TNRC6B: variants seen among roughly 807,000 people sequenced by gnomAD.
The protein encoded by TNRC6B is trinucleotide repeat containing adaptor 6B.
A neutral mutation model predicts 203.6 loss-of-function variants in TNRC6B; 52 were observed. That is an observed-to-expected ratio of 0.26 (90% confidence interval 0.20 to 0.32). The LOEUF (loss-of-function observed/expected upper bound fraction) is 0.32. TNRC6B is among the 10% of genes least tolerant of loss of function. TNRC6B has a pLI of 1.00. For missense variants in TNRC6B, 1,923 were observed against 2,286.2 expected, an observed-to-expected ratio of 0.84 and a Z score of 3.24; for synonymous variants, 838 against 845.7, an observed-to-expected ratio of 0.99 and a Z score of 0.16.
chr22:40,246,436 C>G (rs2070108418), intron 2 of TNRC6B: 1 of 170,954 alleles, frequency 5.8e-6, no homozygotes, highest in Non-Finnish European at 1.3e-5. Context: ...GATCCCCCAC[C>G]TTGGCCCCCC....
rs1310966883 is a variant in TNRC6B, at chr22:40,052,463, TTTTTTTTTG to T, written c.-121+7468_-121+7476del. Among the ~76,000 whole-genome samples, 18 of 140,230 alleles carry T rather than the reference TTTTTTTTTG, an allele frequency of 1.3e-4. 1 individual carries two copies. Among genetic ancestry groups the T allele is most frequent in the Admixed American group, 9.2e-4 (13 of 14,090 alleles). The allele number at this position is 140,230 out of a possible 152,430, so 92.0% of individuals were successfully genotyped here. A position where few individuals can be genotyped will look rare whatever the true frequency, so the allele number is the denominator to read the frequency against. ...TATTGTATTTTTTTTTTTTTTTTTT[TTTTTTTTTG>T]TTGAGGCAGGGTCTTACTCTGTCAC... is the stretch of plus-strand genomic sequence containing the variant. On this transcript the variant is annotated intron_variant, in intron 1 of 23. Transcript: ENST00000301923.
At chr22:40,108,828 C>T (rs1442546516) in intron 1 of TNRC6B, among the ~76,000 whole-genome samples, 2 of 152,176 alleles carry the variant, frequency 1.3e-5, no homozygotes, top group African/African-American at 4.8e-5. Flanking sequence ...AGGTTTGTTA[C>T]ATAGGTAAAC....
At chr22:40,144,404 A>G (rs1489248060) in intron 3 of TNRC6B, among the ~76,000 whole-genome samples, 1 of 152,188 alleles carries the variant, frequency 6.6e-6, no homozygotes, top group African/African-American at 2.4e-5. Context: ...GGCTGGGCGC[A>G]GTGGCTCCCG....
chr22:40,277,120 T>C lies in TNRC6B; in HGVS notation c.3185T>C (p.Leu1062Pro). The change falls in exon 8 of 23, where the codon CTT becomes CCT. Residue 1062 changes from leucine to proline, a missense_variant. By Grantham distance (98) the Leu-to-Pro change is moderately conservative. Coordinates refer to ENST00000454349, the MANE Select transcript of TNRC6B (RefSeq NM_001162501.2). Reference sequence around the variant, plus strand: ...AACAATGATTCATGGATGAATCCTCTTGCCAAACAGTTTTCAAATATGGGA... The same window carrying C: ...AACAATGATTCATGGATGAATCCTCCTGCCAAACAGTTTTCAAATATGGGA... ...GGNNDSWMNPLAKQFSNMGLL... is the reference protein window; with the variant it reads ...GGNNDSWMNPPAKQFSNMGLL... 6.2e-7 allele frequency: 1 copy of C among 1,608,694 alleles called. No homozygotes were observed.
intron 1 of TNRC6B, among the ~76,000 whole-genome samples, chr22:40,229,326 G>A (rs539819655): frequency 6.6e-6 from 1 of 152,264 alleles, no homozygotes; most frequent in Non-Finnish European, 1.5e-5. Flanking sequence ...GTGATCTTAG[G>A]GAACAGTGTG....
chr22:40,320,920 C>A (rs140955622), intron 21 of TNRC6B, among the ~76,000 whole-genome samples, 170 bp from the exon 22 acceptor site: 1 of 152,316 alleles, frequency 6.6e-6, no homozygotes, highest in East Asian at 1.9e-4. Flanking sequence ...ACCTGTTTAT[C>A]TCTTAAAACA....
chr22:40,117,443 T>C (rs529145145), intron 2 of TNRC6B, among the ~76,000 whole-genome samples: 10 of 152,194 alleles, frequency 6.6e-5, no homozygotes, highest in Non-Finnish European at 1.3e-4. Flanking sequence ...CGGTCTGTAG[T>C]CCACATTACT....
chr22:40,264,991 G>A lies in TNRC6B; in HGVS notation c.761G>A (p.Cys254Tyr), dbSNP rs2070452694. 1 of 1,613,880 alleles carries A rather than the reference G, an allele frequency of 6.2e-7. No homozygotes were observed. Residue 254 changes from cysteine (C) to tyrosine (Y), a missense_variant, in exon 5 of 23, where the codon TGT becomes TAT. Coordinates refer to ENST00000454349, the MANE Select transcript of TNRC6B (RefSeq NM_001162501.2). ...QCQSASSGNECNLGVWKSDPK... is the reference protein window; with the variant it reads ...QCQSASSGNEYNLGVWKSDPK... ...CAGTCTGCAAGTTCTGGGAACGAAT[G>A]TAATCTTGGGGTCTGGAAATCTGAC...
At chr22:40,305,994 A>C (rs1483460729) in intron 15 of TNRC6B, among the ~76,000 whole-genome samples, 1 of 152,156 alleles carries the variant, frequency 6.6e-6, no homozygotes, top group Non-Finnish European at 1.5e-5. Flanking sequence ...GCTGAAATTA[A>C]AGAAATTTAA....
At chr22:40,319,217 A>G (rs1397722318) in intron 21 of TNRC6B, among the ~76,000 whole-genome samples, 1 of 151,670 alleles carries the variant, frequency 6.6e-6, no homozygotes, top group Non-Finnish European at 1.5e-5. Context: ...AGAGCAAGTC[A>G]CCTGCTCTCC....
intron 2 of TNRC6B, among the ~76,000 whole-genome samples, chr22:40,122,598 T>A (rs566723352): frequency 3.9e-4 from 59 of 152,184 alleles, no homozygotes; most frequent in Non-Finnish European, 7.4e-5. Flanking sequence ...ACCATTAAAG[T>A]AAGATCCTGT....
Position 40,323,899 on chromosome 22 carries a change from T to G in TNRC6B, c.*658T>G, listed in dbSNP as rs944209348. The G allele has an allele frequency of 4.6e-5, 7 of 152,422 alleles. No individual in the cohort carries two copies. Among genetic ancestry groups the G allele is most frequent in the African/African-American group, 1.7e-4 (7 of 41,438 alleles). 9.4% of individuals were successfully genotyped at this position (152,422 alleles called of 1,614,324 possible). ...TTCTGGTGTGTGTGTGCACGTGTGT[T>G]CATGTGCATTCGCGTGCATCCTTCT... is the stretch of plus-strand genomic sequence containing the variant. On this transcript the variant is annotated 3_prime_UTR_variant, in exon 23 of 23. Transcript: ENST00000454349.
intron 1 of TNRC6B, among the ~76,000 whole-genome samples, chr22:40,092,127 G>A (rs186250526): frequency 6.6e-6 from 1 of 152,312 alleles, no homozygotes; most frequent in East Asian, 1.9e-4. Flanking sequence ...TTGAGGCCAG[G>A]CGTGTTGGCT....
At chr22:40,097,135 T>C (rs1314232086) in intron 1 of TNRC6B, among the ~76,000 whole-genome samples, 1 of 152,208 alleles carries the variant, frequency 6.6e-6, no homozygotes, top group African/African-American at 2.4e-5. Flanking sequence ...GACTGTGTTG[T>C]CTGTGGGCTG....
intron 1 of TNRC6B, among the ~76,000 whole-genome samples, chr22:40,098,248 C>T (rs780426685): frequency 4.6e-5 from 7 of 151,310 alleles, no homozygotes; most frequent in East Asian, 1.9e-4. Flanking sequence ...GAGCCGGGTG[C>T]GGTGGCGGGT....
At chr22:40,206,783 C>G (rs1421206188) in intron 1 of TNRC6B, among the ~76,000 whole-genome samples, 3 of 152,128 alleles carry the variant, frequency 2.0e-5, no homozygotes, top group African/African-American at 7.2e-5. Flanking sequence ...TGTGGCGGAA[C>G]TGGCCTGACA....
At chr22:40,060,500 A>G (rs1449236558) in intron 1 of TNRC6B, among the ~76,000 whole-genome samples, 1 of 152,150 alleles carries the variant, frequency 6.6e-6, no homozygotes, top group African/African-American at 2.4e-5. Flanking sequence ...GTTTCTACAT[A>G]TCTTTCTGTT....
At chr22:40,242,460 C>G (rs192862467) in intron 1 of TNRC6B, among the ~76,000 whole-genome samples, 136 of 149,782 alleles carry the variant, frequency 9.1e-4, no homozygotes, top group Middle Eastern at 3.5e-3. Context: ...GACGGAATTT[C>G]GCTCTTGTTG....
Position 40,264,983 on chromosome 22 carries a change from G to A in TNRC6B, c.753G>A (p.Gly251=), listed in dbSNP as rs1206385554. ...KGSQCQSASS[G]NECNLGVWKS... is the part of the protein sequence containing the mutation. ...GCCAGTGCCAGTCTGCAAGTTCTGGGAACGAATGTAATCTTGGGGTCTGGA... is the reference window on the plus strand; with the variant it reads ...GCCAGTGCCAGTCTGCAAGTTCTGGAAACGAATGTAATCTTGGGGTCTGGA... Residue 251 remains glycine (G), a synonymous_variant, in exon 5 of 23, where the codon GGG becomes GGA. Transcript: ENST00000454349. The A allele has an allele frequency of 2.5e-6, 4 of 1,613,866 alleles. No individual in the cohort carries two copies. The highest frequency in any genetic ancestry group is 1.3e-5 in the African/African-American group (1 of 74,920).
Sources: gnomAD v4.1 joint callset for allele counts (sites outside exome capture counted in the v4.1 genomes callset) on GRCh38, gnomAD v4.1.1 for gene constraint, MANE v1.5 for transcripts, NCBI Gene and HGNC (gene_info 2026-07-23, HGNC 2026-07-21) for gene names.